CAMSAP1: variants seen among roughly 807,000 people sequenced by gnomAD.
CAMSAP1 encodes calmodulin regulated spectrin associated protein 1, also known as calmodulin-regulated spectrin-associated protein 1.
Under a neutral mutation model 143.5 loss-of-function variants are expected in CAMSAP1, and 58 were observed. The ratio of observed to expected loss-of-function variants is 0.40; its 90% CI spans 0.33 to 0.50. The LOEUF (loss-of-function observed/expected upper bound fraction) is 0.50. Among genes scored for constraint, CAMSAP1 ranks in the 20% least tolerant of loss-of-function variants. The pLI is 0.45. For synonymous variants in CAMSAP1, 945 were observed against 859.3 expected, an observed-to-expected ratio of 1.10 and a Z score of -1.74; for missense variants, 1,969 against 2,115.7, an observed-to-expected ratio of 0.93 and a Z score of 1.36.
At position 135,809,089 on chromosome 9, in the gene CAMSAP1, A is replaced by C. The variant is rs953662208; in HGVS notation, c.*2220T>G. On this transcript the variant is annotated 3_prime_UTR_variant, in exon 17 of 17. Coordinates refer to ENST00000389532, the MANE Select transcript of CAMSAP1 (RefSeq NM_015447.4). The stretch of plus-strand genomic sequence containing the variant: ...GTTATAAGTCAGTGTTATCAACTGC[A>C]AAATCATGACTTTACCACCACCCAA... 1.3e-5 allele frequency: 2 copies of C among 152,240 alleles called. No individual in the cohort carries two copies. Among genetic ancestry groups the C allele is most frequent in the African/African-American group, 4.8e-5 (2 of 41,468 alleles). The allele number at this position is 152,240 out of a possible 1,614,324, so 9.4% of individuals were successfully genotyped here. A position where few individuals can be genotyped will look rare whatever the true frequency, so the allele number is the denominator to read the frequency against.
Position 135,892,867 on chromosome 9 carries a change from A to AAAAAAAAAAAAAG in CAMSAP1, c.161-9790_161-9789insCTTTTTTTTTTTT, listed in dbSNP as rs1554800261. Among the ~76,000 whole-genome samples, 221 of 147,762 alleles carry AAAAAAAAAAAAAG rather than the reference A, an allele frequency of 1.5e-3. 3 individuals are homozygous for AAAAAAAAAAAAAG. Among genetic ancestry groups the AAAAAAAAAAAAAG allele is most frequent in the African/African-American group, 5.5e-3 (217 of 39,538 alleles). On this transcript the variant is annotated intron_variant, in intron 1 of 16. Transcript: ENST00000389532. Reference sequence around the variant, plus strand: ...CTGTCTCAAAAAAAAAAAAAAAAAAAGAACTAATCAGAAATTATAGGCTGG... The same window carrying AAAAAAAAAAAAAG: ...CTGTCTCAAAAAAAAAAAAAAAAAAAAAAAAAAAAAAAGGAACTAATCAGAAATTATAGGCTGG...
intron 5 of CAMSAP1, among the ~76,000 whole-genome samples, chr9:135,851,995 C>T (rs1345043125): frequency 2.0e-5 from 3 of 152,206 alleles, no homozygotes; most frequent in African/African-American, 4.8e-5. Flanking sequence ...CAGCACTCCA[C>T]AGCTTGCTCC....
intron 10 of CAMSAP1, among the ~76,000 whole-genome samples, chr9:135,823,476 A>C (rs1377567208): frequency 6.6e-6 from 1 of 152,238 alleles, no homozygotes. Context: ...GATACCCTTC[A>C]AAATTACTGA....
chr9:135,813,503 G>C (rs1835124890), intron 16 of CAMSAP1, among the ~76,000 whole-genome samples: 1 of 152,190 alleles, frequency 6.6e-6, no homozygotes, highest in South Asian at 2.1e-4. Context: ...CAAAAAGAAA[G>C]AAACATTTAA....
chr9:135,873,537 C>G (rs1837633944), intron 3 of CAMSAP1, among the ~76,000 whole-genome samples: 1 of 151,916 alleles, frequency 6.6e-6, no homozygotes, highest in Non-Finnish European at 1.5e-5. Context: ...ATAAATCGGA[C>G]TAATCAAGGT....
At chr9:135,854,831 G>A (rs1285018133) in intron 5 of CAMSAP1, among the ~76,000 whole-genome samples, 1 of 152,154 alleles carries the variant, frequency 6.6e-6, no homozygotes, top group African/African-American at 2.4e-5. Flanking sequence ...GTAACCTCAT[G>A]CCACGGGGGT....
At chr9:135,890,738 CT>C (rs1252539447) in intron 1 of CAMSAP1, among the ~76,000 whole-genome samples, 2 of 152,198 alleles carry the variant, frequency 1.3e-5, no homozygotes, top group African/African-American at 4.8e-5. Flanking sequence ...GAAACTCCCC[CT>C]GGGAAAAGAT....
rs1422888694 is a variant in CAMSAP1 at position 135,809,258 on chromosome 9, T to C, written c.*2051A>G. The C allele has an allele frequency of 6.6e-6, 1 of 152,218 alleles. No individual in the cohort carries two copies. The highest frequency in any genetic ancestry group is 1.5e-5 in the Non-Finnish European group (1 of 68,040). The allele number at this position is 152,218 out of a possible 1,614,324, so 9.4% of individuals were successfully genotyped here. On this transcript the variant is annotated 3_prime_UTR_variant, in exon 17 of 17. Coordinates refer to ENST00000389532, the MANE Select transcript of CAMSAP1 (RefSeq NM_015447.4). ...ATTAGGCGAACACTGGCCTGGGGAC[T>C]TGGGACATCAGGAATGTCCATGCCA...
Position 135,821,405 on chromosome 9 carries a change from CAG to C in CAMSAP1, c.3254_3255del (p.Ala1085GlyfsTer36). The part of the protein sequence containing the change: ...FVEPLSPTGV[A>X]GHRKAPRLGQ... ...CCCAGCCGGGGGGCTTTGCGGTGGC[CAG>C]CCACGCCCGTGGGAGAGAGTGGCTC... On this transcript the variant is annotated frameshift_variant, in exon 11 of 17. Coordinates refer to ENST00000389532, the MANE Select transcript of CAMSAP1 (RefSeq NM_015447.4). LOFTEE classifies it high-confidence loss of function. The surrounding 1 kb of genome is among the most constrained non-coding windows in gnomAD (Gnocchi z 4.6). 6.2e-7 allele frequency: 1 copy of C among 1,613,948 alleles called. No individual in the cohort carries two copies. The highest frequency in any genetic ancestry group is 2.2e-5 in the East Asian group (1 of 44,870).
rs1239861797 is a variant in CAMSAP1 at position 135,824,831 on chromosome 9, T to C, written c.1273A>G (p.Arg425Gly). Reference protein sequence around the residue: ...FSPSHPLLPLRQKQQKSIQGE... With the variant: ...FSPSHPLLPLGQKQQKSIQGE... ...TGTATGGATTTCTGCTGTTTCTGTC[T>C]CAGTGGCAATAAAGGATGGGATGGG... The change falls in exon 9 of 17, where the codon AGA (arginine) becomes GGA (glycine). Residue 425 changes from arginine (R) to glycine (G), a missense_variant. By Grantham distance (125) the Arg-to-Gly change is moderately radical. Coordinates refer to ENST00000389532, the MANE Select transcript of CAMSAP1 (RefSeq NM_015447.4). The surrounding 1 kb of genome is among the most constrained non-coding windows in gnomAD (Gnocchi z 4.1). The C allele has an allele frequency of 6.2e-7, 1 of 1,604,528 alleles. No individual in the cohort carries two copies. The highest frequency in any genetic ancestry group is 8.5e-7 in the Non-Finnish European group (1 of 1,175,586).
Position 135,824,105 on chromosome 9 carries a change from C to T in CAMSAP1, c.1316-71G>A. The stretch of plus-strand genomic sequence containing the variant: ...TCACTTGAAATTCTTTCAATATGAC[C>T]ATTTGTCCAGAAAAATGCCTCTCAA... On this transcript the variant is annotated intron_variant, in intron 9 of 16. Coordinates refer to ENST00000389532, the MANE Select transcript of CAMSAP1 (RefSeq NM_015447.4). This position sits in a 1 kb window ranked among gnomAD's most constrained non-coding sequence, Gnocchi z 4.1. 2.2e-6 allele frequency: 3 copies of T among 1,373,574 alleles called. No homozygotes were observed. The highest frequency in any genetic ancestry group is 3.0e-6 in the Non-Finnish European group (3 of 985,756). The allele number at this position is 1,373,574 out of a possible 1,614,324, so 85.1% of individuals were successfully genotyped here. A position where few individuals can be genotyped will look rare whatever the true frequency, so the allele number is the denominator to read the frequency against.
chr9:135,885,724 T>C (rs920404020), intron 1 of CAMSAP1, among the ~76,000 whole-genome samples: 8 of 152,250 alleles, frequency 5.3e-5, no homozygotes, highest in Admixed American at 6.5e-5. Context: ...TTGAATCATA[T>C]ATGAATATGC....
At chr9:135,823,327 G>T (rs1030165888) in intron 10 of CAMSAP1, 67 bp from the exon 11 acceptor site, 39 of 1,492,778 alleles carry the variant, frequency 2.6e-5, no homozygotes, top group Non-Finnish European at 3.1e-5. Flanking sequence ...CATGGACCAG[G>T]GGGTGAGAAT....
rs1398992877 is a variant in CAMSAP1 at position 135,822,812 on chromosome 9, C to T, written c.1849G>A (p.Glu617Lys). ...GACACGATGCTCCTCGGTCTCCCTT[C>T]CCCCCGTTCATCCTCCTTGGTGATC... ...QVITKEDERG[E>K]GRPRSIVSRR... Residue 617 changes from glutamate (E) to lysine (K), a missense_variant, in exon 11 of 17, where the codon GAA becomes AAA. Physicochemically the swap from Glu to Lys is moderately conservative, Grantham distance 56. Coordinates refer to ENST00000389532, the MANE Select transcript of CAMSAP1 (RefSeq NM_015447.4). This position sits in a 1 kb window ranked among gnomAD's most constrained non-coding sequence, Gnocchi z 6.1. The T allele has an allele frequency of 6.2e-7, 1 of 1,613,952 alleles. No individual in the cohort carries two copies. Among genetic ancestry groups the T allele is most frequent in the Non-Finnish European group, 8.5e-7 (1 of 1,179,888 alleles).
chr9:135,822,432 C>T lies in CAMSAP1; in HGVS notation c.2229G>A (p.Val743=). The change falls in exon 11 of 17, where the codon GTG becomes GTA. Residue 743 remains valine (V), a synonymous_variant. Transcript: ENST00000389532. The surrounding 1 kb of genome is among the most constrained non-coding windows in gnomAD (Gnocchi z 6.1). The part of the protein sequence containing the change: ...LLRQDSDSDV[V]DIEEAEHDFM... ...AATCGTGCTCGGCTTCCTCTATGTCCACCACATCCGAGTCAGAATCCTGCC... is the reference window on the plus strand; with the variant it reads ...AATCGTGCTCGGCTTCCTCTATGTCTACCACATCCGAGTCAGAATCCTGCC... The T allele has an allele frequency of 6.2e-7, 1 of 1,614,030 alleles. No individual in the cohort carries two copies. The highest frequency in any genetic ancestry group is 1.1e-5 in the South Asian group (1 of 91,088).
rs769330301 is a variant in CAMSAP1 at position 135,821,390 on chromosome 9, G to A, written c.3271C>T (p.Pro1091Ser). The change falls in exon 11 of 17, where the codon CCC becomes TCC. Residue 1091 changes from proline to serine, a missense_variant. This residue lies in a region of CAMSAP1 where 1,390 missense variants were observed against 1,420.8 expected (regional missense o/e 0.98). Transcript: ENST00000389532. The surrounding 1 kb of genome is among the most constrained non-coding windows in gnomAD (Gnocchi z 4.6). The stretch of plus-strand genomic sequence containing the variant: ...GAATTCCGGCCTTGACCCAGCCGGG[G>A]GGCTTTGCGGTGGCCAGCCACGCCC... The part of the protein sequence containing the change: ...PTGVAGHRKA[P>S]RLGQGRNSRS... 6 of 1,613,898 alleles carry A rather than the reference G, an allele frequency of 3.7e-6. No homozygotes were observed. The South Asian group carries it at 6.6e-5, about 18-fold the overall frequency.
Position 135,865,612 on chromosome 9 carries a change from G to C in CAMSAP1, c.666+844C>G, listed in dbSNP as rs552008913. Among the ~76,000 whole-genome samples the C allele has an allele frequency of 2.6e-5, 4 of 152,326 alleles. No homozygotes were observed. The East Asian group carries it at 5.8e-4, about 22-fold the overall frequency. ...TAGCAAAGAAAACTTCGGAAACTTG[G>C]TATGGGCTGGGTACCAAAAGGCAAG... On this transcript the variant is annotated intron_variant, in intron 4 of 16. Transcript: ENST00000389532.
intron 1 of CAMSAP1, among the ~76,000 whole-genome samples, chr9:135,906,405 T>C (rs549513555): frequency 6.6e-6 from 1 of 152,328 alleles, no homozygotes; most frequent in Admixed American, 6.5e-5. Flanking sequence ...AGAAGCGTCT[T>C]AATCCACTAA....
intron 1 of CAMSAP1, among the ~76,000 whole-genome samples, chr9:135,896,572 T>C (rs527799928): frequency 6.6e-6 from 1 of 152,310 alleles, no homozygotes; most frequent in East Asian, 1.9e-4. Flanking sequence ...CTCATTTTTT[T>C]CCAAATGCCC....
Sources: allele counts gnomAD v4.1 joint callset (sites outside exome capture counted in the v4.1 genomes callset), GRCh38; gene constraint gnomAD v4.1.1; regional missense constraint gnomAD v4.1.1; non-coding constraint Gnocchi (gnomAD v3.1); transcripts MANE v1.5; gene names NCBI Gene and HGNC (gene_info 2026-07-23, HGNC 2026-07-21).